The following SGIP1 variants were observed in gnomAD, a reference collection of about 807,000 sequenced individuals.
SGIP1 encodes the protein SH3-containing GRB2-like protein 3-interacting protein 1.
SGIP1 carries 38 observed loss-of-function variants against 107.5 expected under a neutral mutation model. The observed-to-expected ratio is 0.35, with a 90% CI of 0.27 to 0.46. SGIP1 has a LOEUF of 0.46. SGIP1 is among the 20% of genes least tolerant of loss of function. The pLI is 1.00. For synonymous variants in SGIP1, 365 were observed against 366.1 expected, an observed-to-expected ratio of 1.00 and a Z score of 0.03; for missense variants, 929 against 1,019.5, an observed-to-expected ratio of 0.91 and a Z score of 1.21.
chr1:66,743,081 T>G lies in SGIP1; in HGVS notation c.2473T>G (p.Leu825Val). ...GCTGTTTTGTTTTGCAGGAAAATAC[T>G]TGGCAGATAACTAATGAAATCTTAT... ...IKKRFAAGKY[L>V]ADN is the part of the protein sequence containing the mutation. Residue 825 changes from leucine to valine, a missense_variant, in exon 25 of 25, where the codon TTG becomes GTG. Around this residue, in one of 2 missense-constraint regions of SGIP1, gnomAD observed 341 missense variants for 430.9 expected, o/e 0.79. Transcript: ENST00000371037. The G allele has an allele frequency of 6.2e-7, 1 of 1,613,656 alleles. No individual in the cohort carries two copies. The highest frequency in any genetic ancestry group is 8.5e-7 in the Non-Finnish European group (1 of 1,179,768).
At chr1:66,653,139 C>A (rs571329189) in intron 7 of SGIP1, among the ~76,000 whole-genome samples, 1 of 152,092 alleles carries the variant, frequency 6.6e-6, no homozygotes, top group African/African-American at 2.4e-5. Flanking sequence ...ACACATGAGA[C>A]GCAACTTTTG....
In SGIP1 at chr1:66,735,777, G is replaced by T. The variant is rs1344604952; in HGVS notation, c.2031+1897G>T. Among the ~76,000 whole-genome samples, 4 of 15,714 alleles carry T rather than the reference G, an allele frequency of 2.5e-4. 2 individuals are homozygous for T. The highest frequency in any genetic ancestry group is 1.7e-3 in the South Asian group (2 of 1,154). 10.3% of individuals were successfully genotyped at this position (15,714 alleles called of 152,430 possible). On this transcript the variant is annotated intron_variant, in intron 21 of 24. Coordinates refer to ENST00000371037, the MANE Select transcript of SGIP1 (RefSeq NM_032291.4). ...GGAGCTTGCAGTGAGCTGAGATTGC[G>T]CCACTGCAGTCCGCAGTCCGGCCTG...
At chr1:66,680,368 T>C (rs1215027638) in intron 14 of SGIP1, among the ~76,000 whole-genome samples, 1 of 152,252 alleles carries the variant, frequency 6.6e-6, no homozygotes, top group African/African-American at 2.4e-5. Context: ...TCATACAATT[T>C]ATAGTCTGCC....
intron 9 of SGIP1, among the ~76,000 whole-genome samples, chr1:66,669,661 T>A (rs1290342448): frequency 1.3e-5 from 2 of 152,214 alleles, no homozygotes; most frequent in Non-Finnish European, 2.9e-5. Flanking sequence ...ATGGCCATAT[T>A]TATTAGAAAG....
intron 1 of SGIP1, among the ~76,000 whole-genome samples, chr1:66,561,523 T>A (rs1175129813): frequency 3.9e-5 from 6 of 151,994 alleles, no homozygotes; most frequent in Non-Finnish European, 8.8e-5. Context: ...TTTAAAAGGG[T>A]ACTAATAAGT....
At chr1:66,560,151 A>C (rs1025936670) in intron 1 of SGIP1, among the ~76,000 whole-genome samples, 1 of 152,006 alleles carries the variant, frequency 6.6e-6, no homozygotes, top group African/African-American at 2.4e-5. Flanking sequence ...GCTGTCATTG[A>C]ATTTTTCTTC....
At chr1:66,599,082 C>A (rs1195088282) in intron 1 of SGIP1, among the ~76,000 whole-genome samples, 1 of 152,138 alleles carries the variant, frequency 6.6e-6, no homozygotes, top group Non-Finnish European at 1.5e-5. Context: ...GTTAAAAATA[C>A]AATTCGGTTG....
intron 17 of SGIP1, among the ~76,000 whole-genome samples, chr1:66,691,063 A>G (rs1041907010): frequency 2.1e-4 from 32 of 151,658 alleles, no homozygotes; most frequent in African/African-American, 7.0e-4. Context: ...ACAGGTTCCT[A>G]TTGCCTCTCT....
chr1:66,579,468 G>A (rs2061525513), intron 1 of SGIP1, among the ~76,000 whole-genome samples: 1 of 152,174 alleles, frequency 6.6e-6, no homozygotes, highest in Non-Finnish European at 1.5e-5. Context: ...GGGCAGACTT[G>A]AAATGAAAAA....
At chr1:66,712,770 AGTCTCAGGCT>A (rs2092999521) in intron 18 of SGIP1, among the ~76,000 whole-genome samples, 1 of 152,122 alleles carries the variant, frequency 6.6e-6, no homozygotes, top group Non-Finnish European at 1.5e-5. Context: ...AATTATTTTT[AGTCTCAGGCT>A]GTCTACATGT....
rs966500711 is a variant in SGIP1 at position 66,746,365 on chromosome 1, A to C, written c.*3270A>C. On this transcript the variant is annotated 3_prime_UTR_variant, in exon 25 of 25. Coordinates refer to ENST00000371037, the MANE Select transcript of SGIP1 (RefSeq NM_032291.4). Reference sequence around the variant, plus strand: ...GCAAAACAGCTCAAAGCAATGCAGGAGTTTCTCCAACAGTTTAAATTGGGG... The same window carrying C: ...GCAAAACAGCTCAAAGCAATGCAGGCGTTTCTCCAACAGTTTAAATTGGGG... 27 of 152,110 alleles carry C rather than the reference A, an allele frequency of 1.8e-4. No homozygotes were observed. The highest frequency in any genetic ancestry group is 6.3e-4 in the African/African-American group (26 of 41,438). 9.4% of individuals were successfully genotyped at this position (152,110 alleles called of 1,614,324 possible). A position where few individuals can be genotyped will look rare whatever the true frequency, so the allele number is the denominator to read the frequency against.
intron 24 of SGIP1, among the ~76,000 whole-genome samples, chr1:66,742,460 C>CTTTTTTTTTTTTTTGTTTTTTTTTTT (rs2094479545): frequency 2.2e-5 from 1 of 45,104 alleles, no homozygotes; most frequent in African/African-American, 9.9e-5. Flanking sequence ...AGCACCCTTT[C>CTTTTTTTTTTTTTTGTTTTTTTTTTT]TTTTTTTTTT....
Position 66,744,740 on chromosome 1 carries a change from A to G in SGIP1, c.*1645A>G, listed in dbSNP as rs900853498. The G allele has an allele frequency of 1.3e-5, 2 of 152,436 alleles. No individual in the cohort carries two copies. Among genetic ancestry groups the G allele is most frequent in the Admixed American group, 6.5e-5 (1 of 15,272 alleles). The allele number at this position is 152,436 out of a possible 1,614,324, so 9.4% of individuals were successfully genotyped here. On this transcript the variant is annotated 3_prime_UTR_variant, in exon 25 of 25. Transcript: ENST00000371037. ...TTGTACTCCTCTATCAGTGCTTGCT[A>G]CCAAGAGAATGTCCAAAATGATTTG... is the stretch of plus-strand genomic sequence containing the variant.
chr1:66,749,619 A>G lies in SGIP1; in HGVS notation c.*6524A>G, dbSNP rs2094598510. On this transcript the variant is annotated 3_prime_UTR_variant, in exon 25 of 25. Transcript: ENST00000371037. Reference sequence around the variant, plus strand: ...TTCTCTAAAGATAGTTCAGTTTTTAATCCATCCAGAGTTTGTGAATCAGCC... The same window carrying G: ...TTCTCTAAAGATAGTTCAGTTTTTAGTCCATCCAGAGTTTGTGAATCAGCC... Among the ~76,000 whole-genome samples the G allele has an allele frequency of 6.6e-6, 1 of 152,102 alleles. No individual in the cohort carries two copies. Among genetic ancestry groups the G allele is most frequent in the South Asian group, 2.1e-4 (1 of 4,834 alleles).
chr1:66,679,807 C>A, intron 14 of SGIP1, 55 bp downstream of exon 14: 1 of 1,451,346 alleles, frequency 6.9e-7, no homozygotes, highest in Non-Finnish European at 9.2e-7. Context: ...GCAGTGGCCC[C>A]GGATGAACAT....
chr1:66,591,485 C>T (rs1191684198), intron 1 of SGIP1, among the ~76,000 whole-genome samples: 1 of 152,144 alleles, frequency 6.6e-6, no homozygotes, highest in Admixed American at 6.5e-5. Flanking sequence ...CAAAATTGAG[C>T]ATAAAGTACA....
intron 1 of SGIP1, among the ~76,000 whole-genome samples, chr1:66,622,929 A>G (rs1169975336): frequency 6.6e-6 from 1 of 152,212 alleles, no homozygotes; most frequent in African/African-American, 2.4e-5. Flanking sequence ...GTCAAAAATC[A>G]TTGGATATAC....
chr1:66,622,620 C>A (rs1260620366), intron 1 of SGIP1, among the ~76,000 whole-genome samples: 1 of 152,124 alleles, frequency 6.6e-6, no homozygotes, highest in Non-Finnish European at 1.5e-5. Context: ...CTAAAGGAAT[C>A]TGAATTTGGT....
intron 1 of SGIP1, among the ~76,000 whole-genome samples, chr1:66,614,797 T>C (rs1193947430): frequency 2.0e-5 from 3 of 149,676 alleles, no homozygotes; most frequent in Non-Finnish European, 1.5e-5. Context: ...ATAGGGGCTA[T>C]GTTCCAGCTG....
Sources: gnomAD v4.1 joint callset for allele counts (sites outside exome capture counted in the v4.1 genomes callset) on GRCh38, gnomAD v4.1.1 for gene constraint, gnomAD v4.1.1 regional missense constraint, MANE v1.5 for transcripts, NCBI Gene and HGNC (gene_info 2026-07-23, HGNC 2026-07-21) for gene names.